Variants in KLF9 observed in about 807,000 individuals in gnomAD.
KLF9 encodes Krueppel-like factor 9.
In KLF9, 2 loss-of-function variants were observed where a neutral mutation model predicts 17.3. The ratio of observed to expected loss-of-function variants is 0.12; its 90% CI spans 0.05 to 0.36. KLF9 has a LOEUF of 0.36. Among genes scored for constraint, KLF9 ranks in the 10% least tolerant of loss-of-function variants. The pLI is 1.00. For missense variants in KLF9, 226 were observed against 333.2 expected (o/e 0.68, Z 2.51); for synonymous variants, 138 against 139.2 (o/e 0.99, Z 0.06).
At position 70,387,556 on chromosome 9, in the gene KLF9, C is replaced by T. The variant is rs1165553981; in HGVS notation, c.*220G>A. 5.4e-6 allele frequency: 3 copies of T among 552,814 alleles called. No homozygotes were observed. Among genetic ancestry groups the T allele is most frequent in the East Asian group, 3.0e-5 (1 of 33,200 alleles). 34.2% of individuals were successfully genotyped at this position (552,814 alleles called of 1,614,324 possible). A position where few individuals can be genotyped will look rare whatever the true frequency, so the allele number is the denominator to read the frequency against. On this transcript the variant is annotated 3_prime_UTR_variant, in exon 2 of 2. Transcript: ENST00000377126. ...GTCAGAGACGGGTTCAGAGAGTTGC[C>T]TCTTCAAGGGGACCGAGTGTTGTTG...
chr9:70,390,289 G>A (rs1022321449), intron 1 of KLF9, among the ~76,000 whole-genome samples: 4 of 152,044 alleles, frequency 2.6e-5, no homozygotes, highest in African/African-American at 7.2e-5. Flanking sequence ...GAAAAGCTAC[G>A]GCAGCAAAAG....
rs1564085313 is a variant in KLF9 at position 70,388,024 on chromosome 9, A to G, written c.506-19T>C. 6.3e-7 allele frequency: 1 copy of G among 1,597,888 alleles called. No individual in the cohort carries two copies. The highest frequency in any genetic ancestry group is 8.6e-7 in the Non-Finnish European group (1 of 1,168,078). The stretch of plus-strand genomic sequence containing the variant: ...CGTTCACCTAAGAGAAAGGAATCAG[A>G]AAGGATACAGCTCAAAGAACATGAA... On this transcript the variant is annotated intron_variant, in intron 1 of 1. Transcript: ENST00000377126.
In KLF9 at chr9:70,386,585, G is replaced by A. The variant is rs1343343014; in HGVS notation, c.*1191C>T. ...AGAGTGGGAGTTTTGTAGGAACACA[G>A]GAAGGAGACCAACAAACCTTTTTCC... is the stretch of plus-strand genomic sequence containing the variant. On this transcript the variant is annotated 3_prime_UTR_variant, in exon 2 of 2. Coordinates refer to ENST00000377126, the MANE Select transcript of KLF9 (RefSeq NM_001206.4). 1 of 152,598 alleles carries A rather than the reference G, an allele frequency of 6.6e-6. No homozygotes were observed. The highest frequency in any genetic ancestry group is 2.4e-5 in the African/African-American group (1 of 41,432). The allele number at this position is 152,598 out of a possible 1,614,324, so 9.5% of individuals were successfully genotyped here.
intron 1 of KLF9, among the ~76,000 whole-genome samples, chr9:70,411,155 GA>G (rs1290045495): frequency 6.6e-6 from 1 of 152,212 alleles, no homozygotes; most frequent in Non-Finnish European, 1.5e-5. Context: ...GAATGGCCCA[GA>G]ACGCTGGAAA....
chr9:70,409,123 TATATATGTATAC>T lies in KLF9; in HGVS notation c.505+3724_505+3735del, dbSNP rs1490947525. Among the ~76,000 whole-genome samples the T allele has an allele frequency of 3.2e-3, 247 of 78,282 alleles. 18 individuals are homozygous for T. The highest frequency in any genetic ancestry group is 4.7e-3 in the Non-Finnish European group (144 of 30,588). 51.4% of individuals were successfully genotyped at this position (78,282 alleles called of 152,430 possible). On this transcript the variant is annotated intron_variant, in intron 1 of 1. Transcript: ENST00000377126. ...ATATGTGTATATATATACATATATGTATATATGTATACATATATATGTATATGTATATATATA... is the reference window on the plus strand; with the variant it reads ...ATATGTGTATATATATACATATATGTATATATATGTATATGTATATATATA...
chr9:70,386,873 A>G lies in KLF9; in HGVS notation c.*903T>C, dbSNP rs1322291751. On this transcript the variant is annotated 3_prime_UTR_variant, in exon 2 of 2. Coordinates refer to ENST00000377126, the MANE Select transcript of KLF9 (RefSeq NM_001206.4). ...ATCTCTGCCATGATTTCTTAGGGAA[A>G]CGTGTATATTGTAAAATAAGCAGAT... 6.6e-6 allele frequency: 1 copy of G among 152,590 alleles called. No homozygotes were observed. Among genetic ancestry groups the G allele is most frequent in the Non-Finnish European group, 1.5e-5 (1 of 68,042 alleles). The allele number at this position is 152,590 out of a possible 1,614,324, so 9.5% of individuals were successfully genotyped here. A position where few individuals can be genotyped will look rare whatever the true frequency, so the allele number is the denominator to read the frequency against.
chr9:70,397,967 G>A (rs1413517849), intron 1 of KLF9, among the ~76,000 whole-genome samples: 1 of 152,164 alleles, frequency 6.6e-6, no homozygotes, highest in Non-Finnish European at 1.5e-5. Context: ...CCTGGGTACA[G>A]AGAAGTCCAC....
rs1395888536 is a variant in KLF9 at position 70,414,108 on chromosome 9, C to G, written c.-745G>C. 1 of 152,256 alleles carries G rather than the reference C, an allele frequency of 6.6e-6. No homozygotes were observed. Among genetic ancestry groups the G allele is most frequent in the East Asian group, 1.9e-4 (1 of 5,184 alleles). The allele number at this position is 152,256 out of a possible 1,614,324, so 9.4% of individuals were successfully genotyped here. ...CTAGAACTGAGGCGTGCGGCCAATC[C>G]GACTGTTCCGTTTCGCTGCCTCGTG... is the stretch of plus-strand genomic sequence containing the variant. On this transcript the variant is annotated 5_prime_UTR_variant, in exon 1 of 2. Coordinates refer to ENST00000377126, the MANE Select transcript of KLF9 (RefSeq NM_001206.4).
chr9:70,394,962 G>A (rs1444928366), intron 1 of KLF9, among the ~76,000 whole-genome samples: 2 of 152,172 alleles, frequency 1.3e-5, no homozygotes, highest in Non-Finnish European at 2.9e-5. Context: ...TCTTTTTCTA[G>A]AACTTGACAA....
In KLF9 at chr9:70,403,236, C is replaced by T. The variant is rs577205376; in HGVS notation, c.505+9623G>A. Among the ~76,000 whole-genome samples, 13 of 152,286 alleles carry T rather than the reference C, an allele frequency of 8.5e-5. No individual in the cohort carries two copies. The South Asian group carries it at 2.7e-3, about 32-fold the overall frequency. ...GTTTTGCCTGTCTGGCATTTGTTCC[C>T]TTCTGGATAATAAATAACACATTAA... On this transcript the variant is annotated intron_variant, in intron 1 of 1. Transcript: ENST00000377126.
rs1471330075 is a variant in KLF9, at chr9:70,413,516, G to T, written c.-153C>A. The T allele has an allele frequency of 6.6e-6, 5 of 758,244 alleles. No homozygotes were observed. The highest frequency in any genetic ancestry group is 8.7e-6 in the Non-Finnish European group (5 of 572,756). The allele number at this position is 758,244 out of a possible 1,614,324, so 47.0% of individuals were successfully genotyped here. On this transcript the variant is annotated 5_prime_UTR_variant, in exon 1 of 2. Coordinates refer to ENST00000377126, the MANE Select transcript of KLF9 (RefSeq NM_001206.4). The surrounding 1 kb of genome is among the most constrained non-coding windows in gnomAD (Gnocchi z 5.6). ...CGGGGGCGCGGGGCGCTTCCGACTCGCAGGAGCGCCGAGGCGACCTCAGCC... is the reference window on the plus strand; with the variant it reads ...CGGGGGCGCGGGGCGCTTCCGACTCTCAGGAGCGCCGAGGCGACCTCAGCC...
chr9:70,413,588 G>C lies in KLF9; in HGVS notation c.-225C>G. 4.1e-6 allele frequency: 1 copy of C among 242,772 alleles called. No individual in the cohort carries two copies. The highest frequency in any genetic ancestry group is 7.3e-6 in the Non-Finnish European group (1 of 136,122). 15.0% of individuals were successfully genotyped at this position (242,772 alleles called of 1,614,324 possible). On this transcript the variant is annotated 5_prime_UTR_variant, in exon 1 of 2. Transcript: ENST00000377126. The surrounding 1 kb of genome is among the most constrained non-coding windows in gnomAD (Gnocchi z 5.6). ...AGCGCCTCCGCACGCAGCATCCACG[G>C]CCCCGGGCTCCGCCGCGCCGCCGCC...
At chr9:70,388,345 C>T (rs1316290166) in intron 1 of KLF9, among the ~76,000 whole-genome samples, 1 of 152,178 alleles carries the variant, frequency 6.6e-6, no homozygotes, top group Non-Finnish European at 1.5e-5. Context: ...CCACCATCTA[C>T]AAGCCAAGGA....
rs570414125 is a variant in KLF9, at chr9:70,387,557, T to C, written c.*219A>G. On this transcript the variant is annotated 3_prime_UTR_variant, in exon 2 of 2. Transcript: ENST00000377126. The stretch of plus-strand genomic sequence containing the variant: ...TCAGAGACGGGTTCAGAGAGTTGCC[T>C]CTTCAAGGGGACCGAGTGTTGTTGA... 1.4e-5 allele frequency: 8 copies of C among 553,114 alleles called. No individual in the cohort carries two copies. The highest frequency in any genetic ancestry group is 1.3e-4 in the African/African-American group (7 of 53,122). The allele number at this position is 553,114 out of a possible 1,614,324, so 34.3% of individuals were successfully genotyped here.
chr9:70,412,049 C>A (rs1277702747), intron 1 of KLF9, among the ~76,000 whole-genome samples: 1 of 152,030 alleles, frequency 6.6e-6, no homozygotes, highest in Non-Finnish European at 1.5e-5. Flanking sequence ...ATGCCTCTCA[C>A]CCTCCCTGGG....
chr9:70,398,683 G>T (rs1388638369), intron 1 of KLF9, among the ~76,000 whole-genome samples: 2 of 151,908 alleles, frequency 1.3e-5, no homozygotes, highest in African/African-American at 4.8e-5. Flanking sequence ...GTAGAGACAG[G>T]TTTTCACCAT....
intron 1 of KLF9, among the ~76,000 whole-genome samples, chr9:70,401,941 GGAGGCGGAGGTTGCAGTGA>G (rs1254721031): frequency 6.6e-6 from 1 of 151,954 alleles, no homozygotes; most frequent in East Asian, 1.9e-4. Context: ...CTTGAATCTA[GGAGGCGGAGGTTGCAGTGA>G]GCGAGATCAT....
intron 1 of KLF9, among the ~76,000 whole-genome samples, chr9:70,393,935 T>C (rs1020642748): frequency 6.6e-6 from 1 of 150,544 alleles, no homozygotes; most frequent in Non-Finnish European, 1.5e-5. Context: ...GGCGGGAAGA[T>C]TGCTTGAGCC....
At chr9:70,402,995 C>A (rs566305963) in intron 1 of KLF9, among the ~76,000 whole-genome samples, 64 of 151,974 alleles carry the variant, frequency 4.2e-4, no homozygotes, top group African/African-American at 1.5e-3. Flanking sequence ...ACTAAAAATA[C>A]AAAAATTAGC....
Sources: gnomAD v4.1 joint callset for allele counts (sites outside exome capture counted in the v4.1 genomes callset) on GRCh38, gnomAD v4.1.1 for gene constraint, Gnocchi (gnomAD v3.1) non-coding constraint, MANE v1.5 for transcripts, NCBI Gene and HGNC (gene_info 2026-07-23, HGNC 2026-07-21) for gene names.